SNX29: variants seen among roughly 807,000 people sequenced by gnomAD.
SNX29 encodes the protein sorting nexin-29.
Under a neutral mutation model 102.1 loss-of-function variants are expected in SNX29, and 78 were observed. The observed-to-expected ratio is 0.76, with a 90% CI of 0.64 to 0.92. SNX29 has a LOEUF of 0.92. Ranked by LOEUF, SNX29 falls within the 40% of genes least tolerant of loss-of-function variation. The probability of loss-of-function intolerance (pLI) is 0.00; values close to 1 mark genes in which losing one functional copy is unlikely to be tolerated. For missense variants in SNX29, 1,280 were observed against 1,061.7 expected, an observed-to-expected ratio of 1.21 and a Z score of -2.86; for synonymous variants, 580 against 414.5, an observed-to-expected ratio of 1.40 and a Z score of -4.85.
chr16:12,316,282 G>T (rs1056442898), intron 15 of SNX29, among the ~76,000 whole-genome samples: 6 of 152,166 alleles, frequency 3.9e-5, no homozygotes, highest in Admixed American at 3.3e-4. Flanking sequence ...GCCTCTTCTG[G>T]GAGGCCAGGG....
chr16:12,023,538 A>C (rs2057092858), intron 3 of SNX29, among the ~76,000 whole-genome samples: 1 of 150,456 alleles, frequency 6.6e-6, no homozygotes, highest in South Asian at 2.1e-4. Context: ...TGATCACACC[A>C]CCGCACTCCA....
chr16:12,465,237 T>G (rs2086997786), intron 18 of SNX29, among the ~76,000 whole-genome samples: 1 of 151,962 alleles, frequency 6.6e-6, no homozygotes, highest in African/African-American at 2.4e-5. Context: ...TCCAACTTAT[T>G]TTGTTTTTGC....
At position 12,571,518 on chromosome 16, in the gene SNX29, G is replaced by C. The variant is rs943970946; in HGVS notation, c.*2889G>C. ...GGTGGCCCACCTCTCAAGGGCCTTG[G>C]ATTCCTGGGACCACCCTTTGCTGGG... On this transcript the variant is annotated 3_prime_UTR_variant, in exon 21 of 21. Coordinates refer to ENST00000566228, the MANE Select transcript of SNX29 (RefSeq NM_032167.5). The C allele has an allele frequency of 2.8e-6, 2 of 721,564 alleles. No individual in the cohort carries two copies. The highest frequency in any genetic ancestry group is 3.7e-5 in the African/African-American group (2 of 54,236). The allele number at this position is 721,564 out of a possible 1,614,324, so 44.7% of individuals were successfully genotyped here. A position where few individuals can be genotyped will look rare whatever the true frequency, so the allele number is the denominator to read the frequency against.
At chr16:12,540,432 G>A (rs936400689) in intron 20 of SNX29, among the ~76,000 whole-genome samples, 2 of 152,214 alleles carry the variant, frequency 1.3e-5, no homozygotes, top group Non-Finnish European at 2.9e-5. Flanking sequence ...TTCTCCAGCT[G>A]CTGTGGAGGC....
At chr16:12,395,973 C>T (rs1209298973) in intron 16 of SNX29, among the ~76,000 whole-genome samples, 6 of 152,192 alleles carry the variant, frequency 3.9e-5, no homozygotes, top group Admixed American at 1.3e-4. Flanking sequence ...ATGTTCCTAA[C>T]GGAGGTTAGA....
At chr16:12,005,448 T>A (rs2056422062) in intron 3 of SNX29, among the ~76,000 whole-genome samples, 1 of 152,170 alleles carries the variant, frequency 6.6e-6, no homozygotes. Context: ...TCCCAGGTGA[T>A]TCTGCTGGAC....
intron 18 of SNX29, among the ~76,000 whole-genome samples, chr16:12,466,817 T>A (rs778380676): frequency 7.2e-5 from 11 of 152,114 alleles, no homozygotes; most frequent in Non-Finnish European, 5.9e-5. Context: ...CCGAGGGGAT[T>A]GGAAAGTCCA....
chr16:12,028,589 C>G (rs975160217), intron 4 of SNX29, among the ~76,000 whole-genome samples: 7 of 151,936 alleles, frequency 4.6e-5, no homozygotes, highest in African/African-American at 1.7e-4. Flanking sequence ...GTCTCAAACT[C>G]CTAGGCTCAA....
intron 14 of SNX29, among the ~76,000 whole-genome samples, chr16:12,254,920 A>G (rs1380541102): frequency 6.6e-6 from 1 of 152,158 alleles, no homozygotes; most frequent in Non-Finnish European, 1.5e-5. Context: ...GCGAGTGGAG[A>G]CAGCTCTTTC....
At chr16:12,563,315 GGAGA>G (rs151325989) in intron 20 of SNX29, among the ~76,000 whole-genome samples, 1 of 152,178 alleles carries the variant, frequency 6.6e-6, no homozygotes, top group Non-Finnish European at 1.5e-5. Context: ...CTTTGTGACT[GGAGA>G]GAGTCACCGT....
At chr16:11,997,812 A>G (rs532835389) in intron 1 of SNX29, among the ~76,000 whole-genome samples, 1 of 152,246 alleles carries the variant, frequency 6.6e-6, no homozygotes, top group South Asian at 2.1e-4. Context: ...GAGAAGATGG[A>G]TCTTTTACAC....
intron 20 of SNX29, among the ~76,000 whole-genome samples, chr16:12,544,179 G>T (rs185408294): frequency 6.6e-6 from 1 of 152,316 alleles, no homozygotes; most frequent in African/African-American, 2.4e-5. Flanking sequence ...GGAATCGGTG[G>T]TGTGCACATC....
At chr16:12,473,275 T>G (rs1026835146) in intron 18 of SNX29, among the ~76,000 whole-genome samples, 1 of 152,136 alleles carries the variant, frequency 6.6e-6, no homozygotes, top group African/African-American at 2.4e-5. Flanking sequence ...GATCAGCCAT[T>G]TGGGTAATTT....
intron 11 of SNX29, among the ~76,000 whole-genome samples, chr16:12,107,157 G>A (rs2053288361): frequency 6.6e-6 from 1 of 152,140 alleles, no homozygotes; most frequent in Admixed American, 6.5e-5. Flanking sequence ...GCTGGAATTA[G>A]TTAAACGGCC....
intron 14 of SNX29, among the ~76,000 whole-genome samples, chr16:12,216,779 T>A (rs1209443861): frequency 7.5e-6 from 1 of 132,840 alleles, no homozygotes; most frequent in Non-Finnish European, 1.5e-5. Flanking sequence ...ATTCACTCGC[T>A]TTCTCCATTT....
In SNX29 at chr16:12,142,246, C is replaced by T. The variant is rs886452188; in HGVS notation, c.1595+12488C>T. On this transcript the variant is annotated intron_variant, in intron 13 of 20. Transcript: ENST00000566228. The stretch of plus-strand genomic sequence containing the variant: ...GTGACCCACTCTGGCTCTCCCACCT[C>T]TCGCCTCTCCTTGGGCATGAAGCTT... Among the ~76,000 whole-genome samples, 8 of 152,228 alleles carry T rather than the reference C, an allele frequency of 5.3e-5. No individual in the cohort carries two copies. The South Asian group carries it at 1.4e-3, about 28-fold the overall frequency.
At chr16:12,337,380 T>C (rs2550968) in intron 15 of SNX29, among the ~76,000 whole-genome samples, 147,976 of 152,068 alleles carry the variant, frequency 0.97, 72,136 homozygotes, top group Middle Eastern at 1. Context: ...CTTGCTGTGC[T>C]ACCCAGGCTG....
At position 12,131,349 on chromosome 16, in the gene SNX29, C is replaced by G. The variant is rs190299747; in HGVS notation, c.1595+1591C>G. Among the ~76,000 whole-genome samples the G allele has an allele frequency of 2.4e-3, 371 of 152,324 alleles. 3 individuals are homozygous for G. The highest frequency in any genetic ancestry group is 6.5e-4 in the Non-Finnish European group (44 of 68,032). ...GCTGCAAAGTAAACCACCCCAGATC[C>G]CAACTTACATGCATCTTTACTGAAT... is the stretch of plus-strand genomic sequence containing the variant. On this transcript the variant is annotated intron_variant, in intron 13 of 20. Transcript: ENST00000566228.
chr16:12,004,757 C>T (rs570963940), intron 3 of SNX29, among the ~76,000 whole-genome samples: 56 of 152,292 alleles, frequency 3.7e-4, no homozygotes, highest in African/African-American at 1.3e-3. Context: ...AATAGAGCCA[C>T]GTGGATGATT....
Sources: allele counts gnomAD v4.1 joint callset (sites outside exome capture counted in the v4.1 genomes callset), GRCh38; gene constraint gnomAD v4.1.1; transcripts MANE v1.5; gene names NCBI Gene and HGNC (gene_info 2026-07-23, HGNC 2026-07-21).